The following CCDC3 variants were observed in gnomAD, a reference collection of about 807,000 sequenced individuals.
CCDC3 encodes the protein coiled-coil domain containing 3, also known as coiled-coil domain-containing protein 3.
Under a neutral mutation model 21.4 loss-of-function variants are expected in CCDC3, and 24 were observed. That is an observed-to-expected ratio of 1.12 (90% CI 0.81 to 1.58). The LOEUF (loss-of-function observed/expected upper bound fraction) is 1.58. CCDC3 is among the 40% of genes most tolerant of loss of function. The pLI is 0.00. For missense variants in CCDC3, 425 were observed against 360.9 expected, an observed-to-expected ratio of 1.18 and a Z score of -1.44; for synonymous variants, 186 against 166.0, an observed-to-expected ratio of 1.12 and a Z score of -0.93.
intron 4 of CCDC3, among the ~76,000 whole-genome samples, chr10:13,062,410 C>T (rs1836768957): frequency 6.6e-6 from 1 of 152,180 alleles, no homozygotes; most frequent in Non-Finnish European, 1.5e-5. Context: ...CTCCAGTCCT[C>T]CTTAATGTTC....
chr10:12,970,857 T>C (rs1835331258), intron 2 of CCDC3, among the ~76,000 whole-genome samples: 1 of 151,302 alleles, frequency 6.6e-6, no homozygotes. Context: ...ATCACTGCAT[T>C]CTAGCCTGGG....
intron 4 of CCDC3, chr10:13,057,888 A>T (rs1468945411): frequency 6.3e-6 from 3 of 476,604 alleles, no homozygotes; most frequent in African/African-American, 2.0e-5. Flanking sequence ...CTCAAAAAAA[A>T]GTTAAAACCT....
chr10:13,001,081 T>C, intron 1 of CCDC3, 116 bp downstream of exon 1: 1 of 1,349,500 alleles, frequency 7.4e-7, no homozygotes, highest in Non-Finnish European at 9.9e-7. Flanking sequence ...CCCAGGGGCA[T>C]TCTCACTTGA....
At chr10:13,092,031 G>A (rs1417006268) in intron 3 of CCDC3, among the ~76,000 whole-genome samples, 1 of 152,156 alleles carries the variant, frequency 6.6e-6, no homozygotes, top group Non-Finnish European at 1.5e-5. Context: ...GGGGAGGGTG[G>A]CAGATAAGAG....
At chr10:13,004,799 G>A (rs1034845143), upstream of CCDC3, among the ~76,000 whole-genome samples, 2 of 152,040 alleles carry the variant, frequency 1.3e-5, no homozygotes, top group Admixed American at 6.5e-5. Context: ...CTCTGTTTAT[G>A]GGCTCATTGA....
intron 5 of CCDC3, among the ~76,000 whole-genome samples, chr10:13,030,082 A>T (rs905608188): frequency 2.6e-5 from 4 of 152,232 alleles, no homozygotes; most frequent in African/African-American, 4.8e-5. Context: ...TATTAAGGGC[A>T]GCCAGAGAGA....
At chr10:12,922,230 C>T (rs1834463068) in intron 2 of CCDC3, among the ~76,000 whole-genome samples, 1 of 152,210 alleles carries the variant, frequency 6.6e-6, no homozygotes, top group Admixed American at 6.5e-5. Flanking sequence ...GTTTGTGAAT[C>T]CAGTCTACAG....
intron 4 of CCDC3, among the ~76,000 whole-genome samples, chr10:13,063,277 C>CGGTAAGCCACCCTTGGTAACCA (rs1588411834): frequency 2.0e-5 from 1 of 48,904 alleles, no homozygotes; most frequent in Non-Finnish European, 3.7e-5. Context: ...GCAAGTTGAA[C>CGGTAAGCCACCCTTGGTAACCA]CCCTTGGGTG....
chr10:13,090,034 G>T (rs1051767624), intron 3 of CCDC3, among the ~76,000 whole-genome samples: 28 of 129,146 alleles, frequency 2.2e-4, no homozygotes, highest in African/African-American at 8.5e-4. Context: ...TATTCCGTTA[G>T]ATATATATAT....
At chr10:12,937,529 C>G (rs1834759275) in intron 2 of CCDC3, among the ~76,000 whole-genome samples, 1 of 152,118 alleles carries the variant, frequency 6.6e-6, no homozygotes, top group Non-Finnish European at 1.5e-5. Context: ...GGGGCGTGAT[C>G]ATAGCTCACT....
intron 2 of CCDC3, among the ~76,000 whole-genome samples, chr10:12,980,593 G>A (rs1004960871): frequency 1.3e-5 from 2 of 152,094 alleles, no homozygotes; most frequent in African/African-American, 4.8e-5. Flanking sequence ...CTTCTTCCCC[G>A]GAGAAGTTTG....
chr10:12,998,578 A>G (rs1469517565), intron 1 of CCDC3, 66 bp from the exon 2 acceptor site: 2 of 1,488,308 alleles, frequency 1.3e-6, no homozygotes, highest in Admixed American at 2.0e-5. Context: ...TCCAATCCAG[A>G]GTCACAGACA....
At chr10:12,930,673 C>A (rs917974947) in intron 2 of CCDC3, among the ~76,000 whole-genome samples, 3 of 152,126 alleles carry the variant, frequency 2.0e-5, no homozygotes, top group African/African-American at 7.2e-5. Context: ...TTCGGAAATA[C>A]CTTTCATTGT....
intron 2 of CCDC3, among the ~76,000 whole-genome samples, chr10:12,955,449 C>T (rs899159437): frequency 6.6e-6 from 1 of 152,206 alleles, no homozygotes; most frequent in Non-Finnish European, 1.5e-5. Flanking sequence ...GGCCTGCCCA[C>T]AGTTATTATG....
intron 2 of CCDC3, among the ~76,000 whole-genome samples, chr10:12,982,806 A>C (rs922275348): frequency 5.4e-5 from 8 of 149,290 alleles, no homozygotes; most frequent in South Asian, 2.2e-4. Context: ...AAAAAAAAAA[A>C]AAAAAAAAAA....
chr10:12,998,432 C>T lies in CCDC3; in HGVS notation c.455G>A (p.Arg152Lys). 6.2e-7 allele frequency: 1 copy of T among 1,614,164 alleles called. No homozygotes were observed. Among genetic ancestry groups the T allele is most frequent in the South Asian group, 1.1e-5 (1 of 91,074 alleles). Residue 152 changes from arginine (R) to lysine (K), a missense_variant, in exon 2 of 3, where the codon AGG becomes AAG. Coordinates refer to ENST00000378825, the MANE Select transcript of CCDC3 (RefSeq NM_031455.4). ...AIFPDTQENRRMFSSLFQFSN... is the reference protein window; with the variant it reads ...AIFPDTQENRKMFSSLFQFSN... Reference sequence around the variant, plus strand: ...AAACTGGAAAAGGCTAGAAAACATCCTTCTGTTCTCTTGAGTGTCTGGGAA... The same window carrying T: ...AAACTGGAAAAGGCTAGAAAACATCTTTCTGTTCTCTTGAGTGTCTGGGAA...
At chr10:13,074,153 A>ATTT (rs1220773339) in intron 3 of CCDC3, 2 of 64,292 alleles carry the variant, frequency 3.1e-5, no homozygotes, top group African/African-American at 1.4e-4. Flanking sequence ...ATATATATAT[A>ATTT]TTTTTTTTTT....
intron 3 of CCDC3, among the ~76,000 whole-genome samples, chr10:13,078,385 A>G (rs1836991516): frequency 6.6e-6 from 1 of 152,242 alleles, no homozygotes; most frequent in African/African-American, 2.4e-5. Context: ...GATGTGGAGA[A>G]ATAGGAACAC....
chr10:13,035,920 T>C (rs1273661801), intron 5 of CCDC3, among the ~76,000 whole-genome samples: 1 of 151,834 alleles, frequency 6.6e-6, no homozygotes, highest in African/African-American at 2.4e-5. Flanking sequence ...CCAAGGCGGA[T>C]GGATCATGAG....
Sources: gnomAD v4.1 joint callset for allele counts (sites outside exome capture counted in the v4.1 genomes callset) on GRCh38, gnomAD v4.1.1 for gene constraint, MANE v1.5 for transcripts, NCBI Gene and HGNC (gene_info 2026-07-23, HGNC 2026-07-21) for gene names.